Variants in CBLB observed in about 807,000 individuals in gnomAD.
CBLB encodes E3 ubiquitin-protein ligase CBL-B.
In CBLB, 31 loss-of-function variants were observed where a neutral mutation model predicts 104.9. The observed-to-expected ratio is 0.30, with a 90% confidence interval of 0.22 to 0.40. The LOEUF (loss-of-function observed/expected upper bound fraction) is 0.40. CBLB is among the 10% of genes least tolerant of loss of function. The pLI is 1.00. For missense variants in CBLB, 1,062 were observed against 1,214.6 expected (o/e 0.87, Z 1.87); for synonymous variants, 440 against 422.6 (o/e 1.04, Z -0.51).
At chr3:105,683,331 T>A (rs1158673924) in intron 14 of CBLB, among the ~76,000 whole-genome samples, 1 of 152,200 alleles carries the variant, frequency 6.6e-6, no homozygotes, top group Admixed American at 6.5e-5. Context: ...AAGAAGATAC[T>A]TCATCCATCA....
intron 4 of CBLB, among the ~76,000 whole-genome samples, chr3:105,763,181 TTTTGA>T (rs1230794991): frequency 6.6e-6 from 1 of 152,204 alleles, no homozygotes; most frequent in Admixed American, 6.5e-5. Context: ...ACTAACTTGC[TTTTGA>T]TTTTACTGGC....
intron 6 of CBLB, among the ~76,000 whole-genome samples, chr3:105,742,126 C>T (rs1198803256): frequency 6.6e-6 from 1 of 152,152 alleles, no homozygotes; most frequent in Admixed American, 6.5e-5. Context: ...TTCAATCTTT[C>T]TATCAGGATA....
chr3:105,730,429 CTTTT>C (rs1395616515), intron 9 of CBLB, among the ~76,000 whole-genome samples: 1 of 152,050 alleles, frequency 6.6e-6, no homozygotes, highest in Non-Finnish European at 1.5e-5. Context: ...ACAATACTGT[CTTTT>C]TATTTAATGT....
chr3:105,763,595 A>G (rs1191822997), intron 4 of CBLB, among the ~76,000 whole-genome samples: 1 of 152,152 alleles, frequency 6.6e-6, no homozygotes, highest in Non-Finnish European at 1.5e-5. Context: ...AGTCATGTGG[A>G]ACTGTGAGTG....
chr3:105,794,713 A>G (rs1372222609), intron 3 of CBLB, among the ~76,000 whole-genome samples: 1 of 152,186 alleles, frequency 6.6e-6, no homozygotes. Flanking sequence ...ACAAGCCACA[A>G]CTCATTATTA....
chr3:105,767,410 T>C (rs548015943), intron 4 of CBLB, among the ~76,000 whole-genome samples: 15 of 152,234 alleles, frequency 9.9e-5, no homozygotes, highest in Admixed American at 1.3e-4. Flanking sequence ...AAGGCCCTTA[T>C]TGCTTTTGCA....
chr3:105,845,816 G>A (rs527579131), intron 3 of CBLB, among the ~76,000 whole-genome samples: 17 of 152,148 alleles, frequency 1.1e-4, no homozygotes, highest in African/African-American at 4.1e-4. Context: ...CCAAACTTTA[G>A]AAAAGTCTAT....
At chr3:105,849,931 C>T (rs1257453127) in intron 3 of CBLB, among the ~76,000 whole-genome samples, 1 of 152,058 alleles carries the variant, frequency 6.6e-6, no homozygotes, top group Non-Finnish European at 1.5e-5. Context: ...TCTGACTTCC[C>T]AAGATGTTAG....
chr3:105,766,354 G>A (rs191445453), intron 4 of CBLB, among the ~76,000 whole-genome samples: 2 of 152,260 alleles, frequency 1.3e-5, no homozygotes, highest in East Asian at 3.9e-4. Context: ...ATAAAGCAGT[G>A]GCAGGGTTTG....
At chr3:105,827,250 C>T (rs2086728838) in intron 3 of CBLB, among the ~76,000 whole-genome samples, 2 of 152,184 alleles carry the variant, frequency 1.3e-5, no homozygotes, top group Non-Finnish European at 2.9e-5. Flanking sequence ...ACGTAAGTAA[C>T]CTTCTGGACT....
At chr3:105,716,391 C>T (rs1323900343) in intron 10 of CBLB, among the ~76,000 whole-genome samples, 2 of 152,076 alleles carry the variant, frequency 1.3e-5, no homozygotes, top group Non-Finnish European at 2.9e-5. Context: ...ATTTAGGTGC[C>T]TGGGAACACA....
At chr3:105,743,451 C>T (rs1262943077) in intron 6 of CBLB, among the ~76,000 whole-genome samples, 1 of 131,476 alleles carries the variant, frequency 7.6e-6, no homozygotes, top group East Asian at 2.1e-4. Flanking sequence ...CACAGTGAGA[C>T]TCTGTCTCAA....
intron 9 of CBLB, among the ~76,000 whole-genome samples, chr3:105,728,480 T>C (rs1434956198): frequency 6.6e-6 from 1 of 152,140 alleles, no homozygotes. Flanking sequence ...AAGCACAGAA[T>C]GAAAACAATT....
At chr3:105,869,020 C>A, upstream of CBLB, 1 of 1,093,788 alleles carries the variant, frequency 9.1e-7, no homozygotes, top group Non-Finnish European at 1.1e-6. Context: ...GACACCCCAC[C>A]CCTGTGGCAC....
Position 105,773,201 on chromosome 3 carries a change from C to T in CBLB, c.566+3195G>A, listed in dbSNP as rs867383704. Among the ~76,000 whole-genome samples, 4 of 152,308 alleles carry T rather than the reference C, an allele frequency of 2.6e-5. 1 individual carries two copies. The Middle Eastern group carries it at 0.01, about 389-fold the overall frequency. On this transcript the variant is annotated intron_variant, in intron 4 of 18. Transcript: ENST00000394030. ...CATATTTACACCATGGACTATTACT[C>T]AGCCATAAGAAGGAATGAAATAATG... is the stretch of plus-strand genomic sequence containing the variant.
At chr3:105,773,123 T>C (rs1021454471) in intron 4 of CBLB, among the ~76,000 whole-genome samples, 1 of 152,182 alleles carries the variant, frequency 6.6e-6, no homozygotes, top group Non-Finnish European at 1.5e-5. Context: ...ATTGCAATGA[T>C]ATGGAACCAA....
At chr3:105,672,170 C>T (rs2152701642) in intron 17 of CBLB, 1 of 191,026 alleles carries the variant, frequency 5.2e-6, no homozygotes, top group Non-Finnish European at 1.1e-5. Flanking sequence ...ACACTTAATG[C>T]TATTTCTAAT....
rs1407756537 is a variant in CBLB at position 105,790,786 on chromosome 3, A to G, written c.420-14244T>C. On this transcript the variant is annotated intron_variant, in intron 3 of 18. Transcript: ENST00000394030. ...GGCAGATGAAGGCATACAGATGTAG[A>G]CCAGTATGGCAATATGACAGACTAC... 2.0e-5 allele frequency among the ~76,000 whole-genome samples: 3 copies of G among 152,332 alleles called. No homozygotes were observed. The East Asian group carries it at 5.8e-4, about 29-fold the overall frequency.
At chr3:105,793,744 A>G (rs1426310361) in intron 3 of CBLB, among the ~76,000 whole-genome samples, 2 of 152,148 alleles carry the variant, frequency 1.3e-5, no homozygotes, top group African/African-American at 4.8e-5. Context: ...ATCAGGAGCA[A>G]CTCTCAGGAA....
Sources: gnomAD v4.1 joint callset for allele counts (sites outside exome capture counted in the v4.1 genomes callset) on GRCh38, gnomAD v4.1.1 for gene constraint, MANE v1.5 for transcripts, NCBI Gene and HGNC (gene_info 2026-07-23, HGNC 2026-07-21) for gene names.